Variants in TAFA1 observed in about 807,000 individuals in gnomAD.
TAFA1 encodes TAFA chemokine like family member 1.
A neutral mutation model predicts 18.5 loss-of-function variants in TAFA1; 4 were observed. The observed-to-expected ratio is 0.22, with a 90% CI of 0.11 to 0.49. The LOEUF is 0.49. Ranked by LOEUF, TAFA1 falls within the 20% of genes least tolerant of loss-of-function variation. The pLI, the probability that TAFA1 is intolerant of heterozygous loss-of-function variation, is 0.98. For synonymous variants in TAFA1, 56 were observed against 55.2 expected (o/e 1.01, Z -0.06); for missense variants, 147 against 169.0 (o/e 0.87, Z 0.72).
At chr3:68,392,188 A>G (rs1402379213) in intron 2 of TAFA1, among the ~76,000 whole-genome samples, 1 of 151,886 alleles carries the variant, frequency 6.6e-6, no homozygotes, top group Non-Finnish European at 1.5e-5. Flanking sequence ...AAAAAAAAAA[A>G]AAAAAAAAGT....
In TAFA1 at chr3:68,495,830, T is replaced by C. The variant is rs543967948; in HGVS notation, c.260-42926T>C. Among the ~76,000 whole-genome samples, 28 of 152,138 alleles carry C rather than the reference T, an allele frequency of 1.8e-4. No homozygotes were observed. In the South Asian group the frequency reaches 5.2e-3, roughly 28 times the overall value. ...AAGGAAACCAAGAAAGGAATTTACATGAAAGCAAGTTAGGCAATGCCAAAC... is the reference window on the plus strand; with the variant it reads ...AAGGAAACCAAGAAAGGAATTTACACGAAAGCAAGTTAGGCAATGCCAAAC... On this transcript the variant is annotated intron_variant, in intron 3 of 4. Coordinates refer to ENST00000478136, the MANE Select transcript of TAFA1 (RefSeq NM_213609.4).
intron 2 of TAFA1, among the ~76,000 whole-genome samples, chr3:68,406,570 G>T (rs2070614261): frequency 6.6e-6 from 1 of 152,136 alleles, no homozygotes; most frequent in African/African-American, 2.4e-5. Flanking sequence ...CTTTGAGGAA[G>T]AAACTTCCCC....
chr3:68,460,017 A>G (rs2071745493), intron 3 of TAFA1, among the ~76,000 whole-genome samples: 1 of 152,186 alleles, frequency 6.6e-6, no homozygotes, highest in Non-Finnish European at 1.5e-5. Flanking sequence ...GGACAACTGC[A>G]TATCATCTCT....
At chr3:68,355,001 C>T (rs1447573179) in intron 2 of TAFA1, among the ~76,000 whole-genome samples, 2 of 151,974 alleles carry the variant, frequency 1.3e-5, no homozygotes, top group Non-Finnish European at 2.9e-5. Flanking sequence ...AAGCAATCCA[C>T]TTCACTCATT....
At chr3:68,414,600 T>C (rs964253686) in intron 2 of TAFA1, among the ~76,000 whole-genome samples, 3 of 152,190 alleles carry the variant, frequency 2.0e-5, no homozygotes, top group African/African-American at 4.8e-5. Context: ...GGAATGTGTA[T>C]AATTAATACA....
chr3:68,337,552 G>T (rs887395795), intron 2 of TAFA1, among the ~76,000 whole-genome samples: 1 of 152,142 alleles, frequency 6.6e-6, no homozygotes, highest in African/African-American at 2.4e-5. Context: ...ATACTATTTG[G>T]TGAGTTTGGA....
intron 2 of TAFA1, among the ~76,000 whole-genome samples, chr3:68,116,088 C>T (rs925903476): frequency 1.3e-5 from 2 of 152,036 alleles, no homozygotes; most frequent in African/African-American, 4.8e-5. Flanking sequence ...AACCCCGTCT[C>T]TACTAAAAAT....
chr3:68,296,087 A>G (rs1372295359), intron 2 of TAFA1, among the ~76,000 whole-genome samples: 1 of 152,212 alleles, frequency 6.6e-6, no homozygotes, highest in Non-Finnish European at 1.5e-5. Flanking sequence ...GAGAATTAAT[A>G]TAGACAAACC....
upstream of TAFA1, among the ~76,000 whole-genome samples, chr3:68,002,541 C>T (rs936779516): frequency 1.3e-5 from 2 of 152,278 alleles, no homozygotes; most frequent in East Asian, 1.9e-4. Context: ...ACAACAATCA[C>T]GGGGCAAAAG....
intron 3 of TAFA1, among the ~76,000 whole-genome samples, chr3:68,429,111 A>G (rs2071114798): frequency 2.0e-5 from 3 of 151,936 alleles, no homozygotes. Context: ...GCTCTTTCTC[A>G]TGGGAGATGT....
intron 2 of TAFA1, among the ~76,000 whole-genome samples, chr3:68,198,268 T>A (rs966993109): frequency 1.3e-5 from 2 of 151,694 alleles, no homozygotes; most frequent in Non-Finnish European, 3.0e-5. Context: ...TTTTATCTGT[T>A]CACCTACTGA....
At chr3:68,256,833 C>A (rs781394361) in intron 2 of TAFA1, among the ~76,000 whole-genome samples, 1 of 152,052 alleles carries the variant, frequency 6.6e-6, no homozygotes. Flanking sequence ...CTGCTGCCAC[C>A]ATCTGGCCCC....
At chr3:68,351,046 G>A (rs1431440673) in intron 2 of TAFA1, among the ~76,000 whole-genome samples, 2 of 152,220 alleles carry the variant, frequency 1.3e-5, no homozygotes, top group Non-Finnish European at 2.9e-5. Context: ...ACCTTTGGAT[G>A]CTCATTGGCA....
At chr3:68,014,288 A>G (rs935884927) in intron 2 of TAFA1, among the ~76,000 whole-genome samples, 1 of 152,248 alleles carries the variant, frequency 6.6e-6, no homozygotes, top group Non-Finnish European at 1.5e-5. Flanking sequence ...TCAGCAGGCC[A>G]GCAGGTCTTA....
chr3:68,090,065 C>T (rs572064735), intron 2 of TAFA1, among the ~76,000 whole-genome samples: 3 of 152,120 alleles, frequency 2.0e-5, no homozygotes, highest in African/African-American at 7.2e-5. Flanking sequence ...TTCCTTCATT[C>T]GTTCAATCAC....
At chr3:68,124,705 T>A (rs1222255465) in intron 2 of TAFA1, among the ~76,000 whole-genome samples, 1 of 152,194 alleles carries the variant, frequency 6.6e-6, no homozygotes, top group African/African-American at 2.4e-5. Context: ...AGGAAACCAG[T>A]GGCTGGAGAA....
intron 2 of TAFA1, among the ~76,000 whole-genome samples, chr3:68,272,791 C>G (rs910839760): frequency 2.0e-5 from 3 of 152,182 alleles, no homozygotes; most frequent in Non-Finnish European, 2.9e-5. Flanking sequence ...TAAAGTCAGG[C>G]CAAGCAATGA....
chr3:68,454,189 T>G (rs574133845), intron 3 of TAFA1, among the ~76,000 whole-genome samples: 1 of 152,318 alleles, frequency 6.6e-6, no homozygotes, highest in Non-Finnish European at 1.5e-5. Context: ...CTCTCCAGCA[T>G]TATTTCTATA....
At chr3:68,197,081 G>C (rs2066419164) in intron 2 of TAFA1, among the ~76,000 whole-genome samples, 1 of 151,726 alleles carries the variant, frequency 6.6e-6, no homozygotes, top group Non-Finnish European at 1.5e-5. Context: ...CTTTCTTCTA[G>C]AAGGCCTAGA....
Sources: allele counts gnomAD v4.1 joint callset (sites outside exome capture counted in the v4.1 genomes callset), GRCh38; gene constraint gnomAD v4.1.1; transcripts MANE v1.5; gene names NCBI Gene and HGNC (gene_info 2026-07-23, HGNC 2026-07-21).